Variants in KSR1 observed in about 807,000 individuals in gnomAD.
KSR1 encodes the protein kinase suppressor of ras.
In KSR1, 35 loss-of-function variants were observed where a neutral mutation model predicts 92.9. That is an observed-to-expected ratio of 0.38 (90% CI 0.29 to 0.50). The LOEUF is 0.50. Ranked by LOEUF, KSR1 falls within the 20% of genes least tolerant of loss-of-function variation. KSR1 has a pLI of 0.94. For synonymous variants in KSR1, 467 were observed against 472.6 expected, an observed-to-expected ratio of 0.99 and a Z score of 0.15; for missense variants, 972 against 1,158.5, an observed-to-expected ratio of 0.84 and a Z score of 2.34.
chr17:27,498,127 C>G (rs1205739244), intron 1 of KSR1, among the ~76,000 whole-genome samples: 1 of 151,880 alleles, frequency 6.6e-6, no homozygotes, highest in Non-Finnish European at 1.5e-5. Context: ...GTCAGGAGTT[C>G]GAGACCAGCC....
intron 1 of KSR1, among the ~76,000 whole-genome samples, chr17:27,546,852 G>A (rs1268624468): frequency 6.6e-6 from 1 of 152,136 alleles, no homozygotes; most frequent in African/African-American, 2.4e-5. Flanking sequence ...TGCTCTGTAG[G>A]TGCTCCCCAG....
chr17:27,568,335 A>C (rs917900985), intron 2 of KSR1, among the ~76,000 whole-genome samples: 4 of 152,174 alleles, frequency 2.6e-5, no homozygotes, highest in Admixed American at 6.5e-5. Context: ...CACGTGCTAA[A>C]CACTGGGACA....
chr17:27,486,905 T>C (rs1278574329), intron 1 of KSR1, among the ~76,000 whole-genome samples: 1 of 152,252 alleles, frequency 6.6e-6, no homozygotes, highest in Non-Finnish European at 1.5e-5. Context: ...CCCTCTGCGC[T>C]GCAGTGTCTT....
chr17:27,500,352 A>G (rs2069133006), intron 1 of KSR1, among the ~76,000 whole-genome samples: 1 of 152,170 alleles, frequency 6.6e-6, no homozygotes, highest in African/African-American at 2.4e-5. Context: ...CCCAGCTGCT[A>G]AGGGGTAGCT....
chr17:27,474,313 G>A (rs564852518), intron 1 of KSR1, among the ~76,000 whole-genome samples: 41 of 152,244 alleles, frequency 2.7e-4, no homozygotes, highest in Non-Finnish European at 5.4e-4. Flanking sequence ...CTGCAAGCCA[G>A]GCAATGCTTA....
At chr17:27,547,667 G>GA (rs2071228698) in intron 1 of KSR1, among the ~76,000 whole-genome samples, 1 of 152,216 alleles carries the variant, frequency 6.6e-6, no homozygotes, top group African/African-American at 2.4e-5. Flanking sequence ...CACCCAGGCT[G>GA]AAGTGCAGTC....
chr17:27,579,046 A>ATTC (rs1206185397), intron 3 of KSR1: 4 of 152,274 alleles, frequency 2.6e-5, no homozygotes, highest in Non-Finnish European at 5.9e-5. Context: ...GCCCCTGAAG[A>ATTC]AGAAGCATTT....
chr17:27,609,913 CT>C, intron 16 of KSR1, 153 bp from the exon 17 acceptor site: 1 of 902,926 alleles, frequency 1.1e-6, no homozygotes, highest in South Asian at 1.7e-5. Flanking sequence ...GCACCGGTGC[CT>C]TTCCCAAGTG....
intron 12 of KSR1, 118 bp from the exon 13 acceptor site, chr17:27,604,562 T>G: frequency 4.8e-6 from 5 of 1,031,344 alleles, no homozygotes; most frequent in Non-Finnish European, 7.5e-6. Flanking sequence ...GCCTTTCCCC[T>G]AGCCAGGTGT....
intron 2 of KSR1, among the ~76,000 whole-genome samples, chr17:27,567,409 A>C (rs927377929): frequency 6.6e-6 from 1 of 152,212 alleles, no homozygotes; most frequent in Admixed American, 6.5e-5. Flanking sequence ...AGACTGACAT[A>C]GTGAAACCTC....
intron 1 of KSR1, among the ~76,000 whole-genome samples, chr17:27,518,083 A>T (rs570205255): frequency 3.9e-5 from 6 of 152,216 alleles, no homozygotes; most frequent in Non-Finnish European, 7.3e-5. Flanking sequence ...GTGAGTGAAG[A>T]CTTAAAAAAC....
At chr17:27,543,504 T>G (rs572815206) in intron 1 of KSR1, among the ~76,000 whole-genome samples, 9 of 152,284 alleles carry the variant, frequency 5.9e-5, no homozygotes, top group African/African-American at 2.2e-4. Flanking sequence ...GAAGTCTCTT[T>G]CCTCAGTGGC....
At chr17:27,582,611 C>G (rs772927509) in intron 3 of KSR1, 35 bp from the exon 4 acceptor site, 1 of 1,566,996 alleles carries the variant, frequency 6.4e-7, no homozygotes. Flanking sequence ...TCCTTCCAGC[C>G]CTGACCATCT....
intron 9 of KSR1, among the ~76,000 whole-genome samples, chr17:27,595,684 C>A (rs2073319363): frequency 7.0e-6 from 1 of 143,422 alleles, no homozygotes; most frequent in Non-Finnish European, 1.5e-5. Flanking sequence ...CCCAGGGCTC[C>A]CTGCCCCCCA....
chr17:27,465,840 T>TGC (rs1218170170), intron 1 of KSR1, among the ~76,000 whole-genome samples: 2 of 152,030 alleles, frequency 1.3e-5, no homozygotes, highest in Non-Finnish European at 1.5e-5. Flanking sequence ...TCATTCATGG[T>TGC]GCACACACAG....
intron 11 of KSR1, chr17:27,601,887 A>G (rs756702187): frequency 2.5e-6 from 4 of 1,606,690 alleles, no homozygotes; most frequent in African/African-American, 1.3e-5. Context: ...GTGCCTTACC[A>G]CACAGTGCCA....
chr17:27,513,048 C>T (rs1441938577), intron 1 of KSR1, among the ~76,000 whole-genome samples: 1 of 152,170 alleles, frequency 6.6e-6, no homozygotes, highest in Non-Finnish European at 1.5e-5. Context: ...AAATATGAAT[C>T]CCCAAACACT....
In KSR1 at chr17:27,625,147, T is replaced by G. The variant is rs2074313367; in HGVS notation, c.*1755T>G. The G allele has an allele frequency of 6.6e-6, 1 of 152,280 alleles. No individual in the cohort carries two copies. Among genetic ancestry groups the G allele is most frequent in the Non-Finnish European group, 1.5e-5 (1 of 68,104 alleles). The allele number at this position is 152,280 out of a possible 1,614,324, so 9.4% of individuals were successfully genotyped here. The stretch of plus-strand genomic sequence containing the variant: ...CACCTGCCCCTTCCCAGGGATCACG[T>G]GTGTCTCCAGCCTTTCACCTTTCTA... On this transcript the variant is annotated 3_prime_UTR_variant, in exon 21 of 21. Coordinates refer to ENST00000644974, the MANE Select transcript of KSR1 (RefSeq NM_001394583.1).
chr17:27,461,425 G>A (rs1345266427), intron 1 of KSR1, among the ~76,000 whole-genome samples: 1 of 152,204 alleles, frequency 6.6e-6, no homozygotes, highest in Non-Finnish European at 1.5e-5. Flanking sequence ...CCAAGTCACA[G>A]GTCCCTGGCA....
Sources: gnomAD v4.1 joint callset for allele counts (sites outside exome capture counted in the v4.1 genomes callset) on GRCh38, gnomAD v4.1.1 for gene constraint, MANE v1.5 for transcripts, NCBI Gene and HGNC (gene_info 2026-07-23, HGNC 2026-07-21) for gene names.